The following LEKR1 variants were observed in gnomAD, a reference collection of about 807,000 sequenced individuals.
The protein encoded by LEKR1 is protein LEKR1.
In LEKR1, 59 loss-of-function variants were observed where a neutral mutation model predicts 72.4. The observed-to-expected ratio is 0.82, with a 90% CI of 0.66 to 1.01. The LOEUF is 1.01. Ranked by LOEUF, LEKR1 falls within the 50% of genes least tolerant of loss-of-function variation. The pLI is 0.00. For missense variants in LEKR1, 728 were observed against 759.2 expected (o/e 0.96, Z 0.48); for synonymous variants, 257 against 263.2 (o/e 0.98, Z 0.23).
chr3:156,998,504 G>GA (rs751721036), intron 9 of LEKR1, among the ~76,000 whole-genome samples: 26 of 151,900 alleles, frequency 1.7e-4, no homozygotes, highest in Non-Finnish European at 3.7e-4. Context: ...TAAACTCCAA[G>GA]AAAAAATACA....
intron 3 of LEKR1, among the ~76,000 whole-genome samples, chr3:156,891,511 A>G (rs13094553): frequency 0.036 from 5,442 of 152,272 alleles, 137 homozygotes; most frequent in Middle Eastern, 0.054. Flanking sequence ...ATGATATGCA[A>G]TGGAAGGTAT....
At chr3:156,879,637 C>T (rs1195406291) in intron 3 of LEKR1, among the ~76,000 whole-genome samples, 2 of 152,140 alleles carry the variant, frequency 1.3e-5, no homozygotes, top group African/African-American at 4.8e-5. Context: ...TCAGGGGATG[C>T]CAGAGACTTT....
In LEKR1 at chr3:157,007,094, C is replaced by G. The variant is rs376260415; in HGVS notation, c.1110-4319C>G. On this transcript the variant is annotated intron_variant, in intron 9 of 12. Transcript: ENST00000356539. Reference sequence around the variant, plus strand: ...GCGGGCGCCTGTAGTCCCAGCTACTCGGGAGGCTGAGGCAGGAGAATGGCG... The same window carrying G: ...GCGGGCGCCTGTAGTCCCAGCTACTGGGGAGGCTGAGGCAGGAGAATGGCG... Among the ~76,000 whole-genome samples the G allele has an allele frequency of 1.2e-4, 19 of 152,136 alleles. No homozygotes were observed. In the South Asian group the frequency reaches 1.7e-3, roughly 13 times the overall value.
At chr3:157,001,584 C>G (rs1392548382) in intron 9 of LEKR1, among the ~76,000 whole-genome samples, 5 of 152,182 alleles carry the variant, frequency 3.3e-5, no homozygotes, top group Admixed American at 1.3e-4. Context: ...AATAAATACT[C>G]TTAATTGTGA....
At chr3:156,833,058 T>C (rs1712639397) in intron 2 of LEKR1, among the ~76,000 whole-genome samples, 1 of 152,232 alleles carries the variant, frequency 6.6e-6, no homozygotes, top group Non-Finnish European at 1.5e-5. Context: ...AGAAATATGC[T>C]TCATTCAATT....
intron 3 of LEKR1, among the ~76,000 whole-genome samples, chr3:156,908,069 C>T (rs1443275981): frequency 1.3e-5 from 2 of 151,956 alleles, no homozygotes; most frequent in African/African-American, 4.8e-5. Flanking sequence ...GCAAGAATAC[C>T]ACAAAAATGA....
chr3:156,919,194 C>T (rs1047586672), intron 3 of LEKR1, among the ~76,000 whole-genome samples: 1 of 152,196 alleles, frequency 6.6e-6, no homozygotes, highest in Non-Finnish European at 1.5e-5. Flanking sequence ...GAGATGTCCC[C>T]AGATGCTCCA....
At chr3:156,945,950 T>A (rs933571225) in intron 6 of LEKR1, among the ~76,000 whole-genome samples, 1 of 151,750 alleles carries the variant, frequency 6.6e-6, no homozygotes, top group African/African-American at 2.4e-5. Context: ...TGTGATTCCA[T>A]CTAAATTTTA....
At chr3:156,912,385 C>T (rs955161370) in intron 3 of LEKR1, among the ~76,000 whole-genome samples, 2 of 152,100 alleles carry the variant, frequency 1.3e-5, no homozygotes, top group African/African-American at 4.8e-5. Flanking sequence ...CAGTAGAGTT[C>T]GCATAAGGAG....
intron 3 of LEKR1, among the ~76,000 whole-genome samples, chr3:156,865,178 C>T (rs1043683277): frequency 4.6e-5 from 7 of 151,986 alleles, no homozygotes; most frequent in Non-Finnish European, 7.4e-5. Flanking sequence ...GCATATGTTA[C>T]CCCCATCATC....
At chr3:157,031,497 A>C (rs1560159800) in intron 12 of LEKR1, among the ~76,000 whole-genome samples, 2 of 152,178 alleles carry the variant, frequency 1.3e-5, no homozygotes, top group Admixed American at 6.5e-5. Context: ...GTAAGAGTAA[A>C]TAATTAAGGC....
intron 2 of LEKR1, among the ~76,000 whole-genome samples, chr3:156,847,000 G>C (rs1229471174): frequency 6.6e-6 from 1 of 151,944 alleles, no homozygotes. Flanking sequence ...ATTTTTTGTA[G>C]AAATAAGGTC....
chr3:157,027,984 G>C, intron 11 of LEKR1, 119 bp from the exon 12 acceptor site: 2 of 600,510 alleles, frequency 3.3e-6, no homozygotes, highest in South Asian at 2.9e-5. Context: ...TCATGGGTTT[G>C]GTTTCATCTG....
intron 9 of LEKR1, among the ~76,000 whole-genome samples, chr3:157,005,648 G>C (rs569808022): frequency 7.9e-5 from 12 of 152,074 alleles, no homozygotes; most frequent in African/African-American, 2.9e-4. Flanking sequence ...TATAGGATTA[G>C]TTTAACATAA....
chr3:157,004,965 A>G (rs1223971659), intron 9 of LEKR1, among the ~76,000 whole-genome samples: 1 of 152,010 alleles, frequency 6.6e-6, no homozygotes, highest in Non-Finnish European at 1.5e-5. Flanking sequence ...AATGGAAAAC[A>G]GAAAAACAAT....
intron 3 of LEKR1, among the ~76,000 whole-genome samples, chr3:156,916,807 T>G (rs1468924121): frequency 1.3e-5 from 2 of 152,152 alleles, no homozygotes; most frequent in African/African-American, 4.8e-5. Flanking sequence ...ATAAGAGTAA[T>G]GAGAGAGGGC....
chr3:157,003,926 A>T (rs1442642497), intron 9 of LEKR1, among the ~76,000 whole-genome samples: 4 of 152,206 alleles, frequency 2.6e-5, no homozygotes, highest in African/African-American at 7.2e-5. Context: ...GGGAAAGGGA[A>T]GAAAAAACAG....
chr3:156,924,198 A>G (rs1002347875), intron 4 of LEKR1, among the ~76,000 whole-genome samples: 8 of 152,164 alleles, frequency 5.3e-5, no homozygotes, highest in African/African-American at 1.9e-4. Context: ...ATCTCATTGT[A>G]GCTTTGATTT....
intron 2 of LEKR1, among the ~76,000 whole-genome samples, chr3:156,849,236 C>A (rs368191095): frequency 3.3e-5 from 5 of 152,280 alleles, no homozygotes; most frequent in South Asian, 2.1e-4. Flanking sequence ...AACTACAAAT[C>A]ACTTCTCAAT....
Sources: gnomAD v4.1 joint callset for allele counts (sites outside exome capture counted in the v4.1 genomes callset) on GRCh38, gnomAD v4.1.1 for gene constraint, MANE v1.5 for transcripts, NCBI Gene and HGNC (gene_info 2026-07-23, HGNC 2026-07-21) for gene names.